The following ATP9B variants were observed in gnomAD, a reference collection of about 807,000 sequenced individuals.
ATP9B encodes probable phospholipid-transporting ATPase IIB.
In ATP9B, 110 loss-of-function variants were observed where a neutral mutation model predicts 146.1. The ratio of observed to expected loss-of-function variants is 0.75; its 90% confidence interval spans 0.65 to 0.88. The LOEUF is 0.88. Ranked by LOEUF, ATP9B falls within the 40% of genes least tolerant of loss-of-function variation. The probability of loss-of-function intolerance (pLI) is 0.00; values close to 1 mark genes in which losing one functional copy is unlikely to be tolerated. For missense variants in ATP9B, 1,499 were observed against 1,496.4 expected, an observed-to-expected ratio of 1.00 and a Z score of -0.03; for synonymous variants, 604 against 569.7, an observed-to-expected ratio of 1.06 and a Z score of -0.86.
chr18:79,302,581 AAT>A (rs1223289351), intron 13 of ATP9B, among the ~76,000 whole-genome samples: 4 of 152,230 alleles, frequency 2.6e-5, no homozygotes, highest in Admixed American at 2.0e-4. Context: ...ATGCACATGT[AAT>A]ATGTGTATTT....
chr18:79,292,012 C>T (rs1376833251), intron 13 of ATP9B, among the ~76,000 whole-genome samples: 1 of 152,220 alleles, frequency 6.6e-6, no homozygotes. Context: ...TGCTGGCCTC[C>T]TTCACTGGCA....
intron 8 of ATP9B, among the ~76,000 whole-genome samples, chr18:79,177,631 G>A (rs536386620): frequency 3.3e-5 from 5 of 152,268 alleles, no homozygotes; most frequent in Admixed American, 1.3e-4. Context: ...ATACATGCTC[G>A]TGTGTGTAGA....
In ATP9B at chr18:79,344,682, A is replaced by G. The variant is rs564179034; in HGVS notation, c.2472+328A>G. The stretch of plus-strand genomic sequence containing the variant: ...GAGATGTCAGAGCTGGATCACAGCG[A>G]TTGTTACTCCTCCTTGACACATTGA... On this transcript the variant is annotated intron_variant, in intron 21 of 29. Coordinates refer to ENST00000426216, the MANE Select transcript of ATP9B (RefSeq NM_198531.5). Among the ~76,000 whole-genome samples, 13 of 152,306 alleles carry G rather than the reference A, an allele frequency of 8.5e-5. No homozygotes were observed. In the South Asian group the frequency reaches 2.7e-3, roughly 32 times the overall value.
intron 6 of ATP9B, among the ~76,000 whole-genome samples, chr18:79,150,899 C>T (rs181465735): frequency 3.9e-5 from 6 of 152,136 alleles, no homozygotes; most frequent in Non-Finnish European, 2.9e-5. Flanking sequence ...TGCTTGGGCC[C>T]GGGAATTCAA....
chr18:79,279,400 A>C (rs1466488923), intron 13 of ATP9B, among the ~76,000 whole-genome samples: 1 of 152,242 alleles, frequency 6.6e-6, no homozygotes, highest in Admixed American at 6.5e-5. Context: ...CTTAGTCTTC[A>C]TTGATAAATA....
chr18:79,225,242 A>G (rs538746797), intron 11 of ATP9B, among the ~76,000 whole-genome samples: 40 of 152,340 alleles, frequency 2.6e-4, no homozygotes, highest in Admixed American at 2.5e-3. Context: ...ATTAGAGTAG[A>G]AACTGTACCA....
At chr18:79,114,151 C>T (rs772705173) in intron 4 of ATP9B, among the ~76,000 whole-genome samples, 2 of 151,946 alleles carry the variant, frequency 1.3e-5, no homozygotes, top group Non-Finnish European at 2.9e-5. Context: ...GTAGAGACGG[C>T]GTTTCACCAT....
intron 8 of ATP9B, among the ~76,000 whole-genome samples, chr18:79,192,067 T>C (rs1470659644): frequency 3.3e-5 from 5 of 152,084 alleles, no homozygotes; most frequent in African/African-American, 1.2e-4. Flanking sequence ...GTTTAGTGGA[T>C]ATAGTTTAGG....
At chr18:79,116,922 TAAA>T (rs781553384) in intron 4 of ATP9B, among the ~76,000 whole-genome samples, 93 of 59,844 alleles carry the variant, frequency 1.6e-3, no homozygotes, top group African/African-American at 4.4e-3. Context: ...TAGAGTATAA[TAAA>T]AAAAAAAAAA....
chr18:79,163,575 G>A (rs8084350), intron 7 of ATP9B, among the ~76,000 whole-genome samples: 85,261 of 151,792 alleles, frequency 0.56, 25,619 homozygotes, highest in African/African-American at 0.79. Context: ...TATAAAGGGG[G>A]AAATTCAATC....
intron 2 of ATP9B, among the ~76,000 whole-genome samples, chr18:79,109,940 ATTAC>A (rs1019891857): frequency 9.2e-5 from 14 of 152,218 alleles, no homozygotes; most frequent in African/African-American, 3.4e-4. Flanking sequence ...AAAAGTGATT[ATTAC>A]TTCAGAGAAT....
chr18:79,164,434 G>A (rs1377089107), intron 7 of ATP9B, among the ~76,000 whole-genome samples: 4 of 152,112 alleles, frequency 2.6e-5, no homozygotes, highest in Non-Finnish European at 4.4e-5. Flanking sequence ...TAAAATTGGT[G>A]ACTGGGCATG....
At chr18:79,254,861 A>G (rs1305097079) in intron 12 of ATP9B, 4 of 152,306 alleles carry the variant, frequency 2.6e-5, no homozygotes, top group African/African-American at 9.7e-5. Context: ...TTCCTCAGAG[A>G]GGCTGCGTTT....
At chr18:79,140,124 GAGGGATTTCAATCCA>G (rs2094496057) in intron 5 of ATP9B, among the ~76,000 whole-genome samples, 2 of 152,096 alleles carry the variant, frequency 1.3e-5, no homozygotes, top group Non-Finnish European at 2.9e-5. Context: ...TCTGGGAAGG[GAGGGATTTCAATCCA>G]AGGGAGCAAG....
chr18:79,201,524 T>A (rs1367962664), intron 9 of ATP9B, among the ~76,000 whole-genome samples: 1 of 152,152 alleles, frequency 6.6e-6, no homozygotes, highest in Non-Finnish European at 1.5e-5. Flanking sequence ...AGGTGGGAGT[T>A]GAGCCCAGGA....
At chr18:79,288,703 G>A (rs1459315336) in intron 13 of ATP9B, among the ~76,000 whole-genome samples, 4 of 152,208 alleles carry the variant, frequency 2.6e-5, no homozygotes, top group Middle Eastern at 3.4e-3. Context: ...CAGTTTCTTC[G>A]TAGACTTGAT....
chr18:79,078,617 A>G (rs2072891968), intron 1 of ATP9B, among the ~76,000 whole-genome samples: 1 of 148,968 alleles, frequency 6.7e-6, no homozygotes, highest in Non-Finnish European at 1.5e-5. Flanking sequence ...CTTTTTTGAT[A>G]TAGTTTACAT....
chr18:79,151,934 C>G (rs2094696944), intron 6 of ATP9B, among the ~76,000 whole-genome samples: 1 of 152,082 alleles, frequency 6.6e-6, no homozygotes, highest in African/African-American at 2.4e-5. Flanking sequence ...GTCCATCTGA[C>G]AGAGGGCCAA....
chr18:79,096,203 G>A (rs1361185489), intron 1 of ATP9B, among the ~76,000 whole-genome samples: 1 of 152,156 alleles, frequency 6.6e-6, no homozygotes, highest in Non-Finnish European at 1.5e-5. Context: ...TGGTTGTGCT[G>A]TCAGGCTGCC....
Sources: gnomAD v4.1 joint callset for allele counts (sites outside exome capture counted in the v4.1 genomes callset) on GRCh38, gnomAD v4.1.1 for gene constraint, MANE v1.5 for transcripts, NCBI Gene and HGNC (gene_info 2026-07-23, HGNC 2026-07-21) for gene names.